The following ANTXR2 variants were observed in gnomAD, a reference collection of about 807,000 sequenced individuals.
ANTXR2 encodes ANTXR cell adhesion molecule 2.
ANTXR2 carries 44 observed loss-of-function variants against 73.7 expected under a neutral mutation model. The observed-to-expected ratio is 0.60, with a 90% CI of 0.47 to 0.77. The LOEUF is 0.77. Among genes scored for constraint, ANTXR2 ranks in the 30% least tolerant of loss-of-function variants. The pLI, the probability that ANTXR2 is intolerant of heterozygous loss-of-function variation, is 0.00. For missense variants in ANTXR2, 604 were observed against 592.5 expected, an observed-to-expected ratio of 1.02 and a Z score of -0.20; for synonymous variants, 217 against 205.9, an observed-to-expected ratio of 1.05 and a Z score of -0.46.
intron 12 of ANTXR2, among the ~76,000 whole-genome samples, chr4:80,004,873 C>T (rs1451448757): frequency 6.6e-6 from 1 of 151,928 alleles, no homozygotes; most frequent in African/African-American, 2.4e-5. Context: ...CACTTCCTCT[C>T]CAGGAGAATT....
chr4:80,034,897 A>G (rs2110085896), intron 8 of ANTXR2, among the ~76,000 whole-genome samples: 1 of 152,290 alleles, frequency 6.6e-6, no homozygotes, highest in Middle Eastern at 3.4e-3. Flanking sequence ...TTGCAAGTTA[A>G]AATAAAGTGC....
In ANTXR2 at chr4:80,033,494, A is replaced by T; in HGVS notation, c.774T>A (p.Thr258=). Residue 258 remains threonine (T), a synonymous_variant, in exon 9 of 17, where the codon ACT becomes ACA. Coordinates refer to ENST00000403729, the MANE Select transcript of ANTXR2 (RefSeq NM_058172.6). ...SRNGSVLCTY[T]VNETYTTSVK... ...TACTCGTTGTATATGTTTCATTTAC[A>T]GTGTAAGTGCAGAGAACACTGCCAT... The T allele has an allele frequency of 6.3e-7, 1 of 1,599,378 alleles. No homozygotes were observed. Among genetic ancestry groups the T allele is most frequent in the South Asian group, 1.1e-5 (1 of 87,370 alleles).
intron 16 of ANTXR2, among the ~76,000 whole-genome samples, chr4:79,956,177 C>T (rs1236827015): frequency 1.3e-5 from 2 of 151,932 alleles, no homozygotes; most frequent in Non-Finnish European, 1.5e-5. Flanking sequence ...TTTATAGATG[C>T]CTATATAATT....
At chr4:79,986,829 C>A (rs1730187865) in intron 12 of ANTXR2, among the ~76,000 whole-genome samples, 1 of 152,156 alleles carries the variant, frequency 6.6e-6, no homozygotes, top group African/African-American at 2.4e-5. Context: ...AAGAACAAAG[C>A]CATATGCCCA....
chr4:80,052,394 G>A (rs944705603), intron 7 of ANTXR2, among the ~76,000 whole-genome samples: 3 of 151,574 alleles, frequency 2.0e-5, no homozygotes, highest in African/African-American at 7.3e-5. Flanking sequence ...ATACATGAAA[G>A]TTTACATTGC....
intron 16 of ANTXR2, among the ~76,000 whole-genome samples, chr4:79,963,623 G>A (rs1235983712): frequency 1.3e-5 from 2 of 152,110 alleles, no homozygotes; most frequent in African/African-American, 4.8e-5. Flanking sequence ...GGATACTTTT[G>A]AGTCAGCATC....
chr4:80,023,028 G>A (rs991166865), intron 10 of ANTXR2, among the ~76,000 whole-genome samples: 16 of 152,074 alleles, frequency 1.1e-4, no homozygotes, highest in African/African-American at 3.9e-4. Context: ...TTTGTCTAAT[G>A]GATTATTTAG....
intron 16 of ANTXR2, among the ~76,000 whole-genome samples, chr4:79,913,865 T>G (rs992312233): frequency 2.6e-4 from 40 of 152,306 alleles, no homozygotes; most frequent in African/African-American, 8.9e-4. Flanking sequence ...TGCTCCACTC[T>G]TATCTATCTT....
At chr4:79,957,551 G>A (rs1309201291) in intron 16 of ANTXR2, among the ~76,000 whole-genome samples, 1 of 152,016 alleles carries the variant, frequency 6.6e-6, no homozygotes, top group Non-Finnish European at 1.5e-5. Flanking sequence ...GTCATTAGAG[G>A]TAAGATATAT....
intron 13 of ANTXR2, 90 bp downstream of exon 13, chr4:79,984,729 A>G: frequency 9.0e-7 from 1 of 1,110,622 alleles, no homozygotes. Context: ...TATCATAGTT[A>G]TCTAACAGAC....
At chr4:79,997,884 A>G (rs1324769494) in intron 12 of ANTXR2, among the ~76,000 whole-genome samples, 1 of 152,002 alleles carries the variant, frequency 6.6e-6, no homozygotes, top group Non-Finnish European at 1.5e-5. Context: ...CATCACCATG[A>G]AAGCATGAAA....
intron 12 of ANTXR2, among the ~76,000 whole-genome samples, chr4:79,988,804 C>A (rs1225389919): frequency 6.6e-6 from 1 of 152,062 alleles, no homozygotes; most frequent in Non-Finnish European, 1.5e-5. Context: ...ACTAGCAGAA[C>A]ACAGTACAAT....
chr4:79,958,562 C>A (rs1245440875), intron 16 of ANTXR2, among the ~76,000 whole-genome samples: 3 of 152,120 alleles, frequency 2.0e-5, no homozygotes, highest in Non-Finnish European at 4.4e-5. Context: ...CCCCTCCATG[C>A]TCATTTCAGG....
At chr4:79,987,641 C>T (rs758399920) in intron 12 of ANTXR2, among the ~76,000 whole-genome samples, 4 of 151,934 alleles carry the variant, frequency 2.6e-5, no homozygotes, top group Admixed American at 6.6e-5. Context: ...TTAAAATATA[C>T]TAGAAAAGAT....
At chr4:79,986,037 T>A (rs1227633318) in intron 12 of ANTXR2, among the ~76,000 whole-genome samples, 2 of 151,782 alleles carry the variant, frequency 1.3e-5, no homozygotes, top group African/African-American at 4.8e-5. Context: ...AAAGACGGGG[T>A]TTCACCATAT....
intron 16 of ANTXR2, among the ~76,000 whole-genome samples, chr4:79,929,636 C>G (rs894741837): frequency 5.3e-5 from 8 of 152,202 alleles, no homozygotes; most frequent in African/African-American, 1.9e-4. Context: ...TGAGATAGGC[C>G]CCCAGGCATT....
At position 80,004,772 on chromosome 4, in the gene ANTXR2, C is replaced by A. The variant is rs150854043; in HGVS notation, c.1041+3749G>T. Among the ~76,000 whole-genome samples, 157 of 152,136 alleles carry A rather than the reference C, an allele frequency of 1.0e-3. 1 individual carries two copies. The East Asian group carries it at 0.018, about 17-fold the overall frequency. ...CATTACAAGGTTCCAGGGATTGAGACCTGCATGTCTTTAGGGATCTTTATT... is the reference window on the plus strand; with the variant it reads ...CATTACAAGGTTCCAGGGATTGAGAACTGCATGTCTTTAGGGATCTTTATT... On this transcript the variant is annotated intron_variant, in intron 12 of 16. Transcript: ENST00000403729.
At chr4:79,915,095 A>C (rs543913663) in intron 16 of ANTXR2, among the ~76,000 whole-genome samples, 42 of 152,268 alleles carry the variant, frequency 2.8e-4, no homozygotes, top group African/African-American at 1.0e-3. Flanking sequence ...TTTTCCCAGA[A>C]ATTGTTGCTA....
At chr4:80,018,620 A>AT (rs1731995477) in intron 11 of ANTXR2, among the ~76,000 whole-genome samples, 1 of 152,186 alleles carries the variant, frequency 6.6e-6, no homozygotes, top group African/African-American at 2.4e-5. Context: ...TTTGTAAATT[A>AT]TTATCTTACC....
Sources: gnomAD v4.1 joint callset for allele counts (sites outside exome capture counted in the v4.1 genomes callset) on GRCh38, gnomAD v4.1.1 for gene constraint, MANE v1.5 for transcripts, NCBI Gene and HGNC (gene_info 2026-07-23, HGNC 2026-07-21) for gene names.